SATB2: variants seen among roughly 807,000 people sequenced by gnomAD.
SATB2 encodes the protein DNA-binding protein SATB2.
Under a neutral mutation model 73.4 loss-of-function variants are expected in SATB2, and 1 was observed. The ratio of observed to expected loss-of-function variants is 0.01; its 90% CI spans 0.00 to 0.06. SATB2 has a LOEUF of 0.06. Ranked by LOEUF, SATB2 falls within the 10% of genes least tolerant of loss-of-function variation. The probability of loss-of-function intolerance (pLI) is 1.00; values close to 1 mark genes in which losing one functional copy is unlikely to be tolerated. For missense variants in SATB2, 459 were observed against 945.8 expected, an observed-to-expected ratio of 0.49 and a Z score of 6.75; for synonymous variants, 397 against 367.0, an observed-to-expected ratio of 1.08 and a Z score of -0.93.
chr2:199,299,714 G>C lies in SATB2; in HGVS notation c.1740+9046C>G, dbSNP rs185318436. On this transcript the variant is annotated intron_variant, in intron 10 of 10. Coordinates refer to ENST00000417098, the MANE Select transcript of SATB2 (RefSeq NM_001172509.2). ...GAAACTCCACAAATATTTGTTGAAT[G>C]AATAAGTAAAAACGCGAGAATAAAA... 4.0e-4 allele frequency among the ~76,000 whole-genome samples: 61 copies of C among 152,158 alleles called. 1 individual carries two copies. The highest frequency in any genetic ancestry group is 1.1e-3 in the African/African-American group (45 of 41,530).
chr2:199,444,385 A>G (rs887682734), intron 2 of SATB2, among the ~76,000 whole-genome samples: 22 of 152,258 alleles, frequency 1.4e-4, no homozygotes, highest in Non-Finnish European at 2.1e-4. Context: ...GTAAGAGTCT[A>G]CCTTCCTCAA....
chr2:199,440,303 C>CA (rs935073082), intron 2 of SATB2, among the ~76,000 whole-genome samples: 3 of 152,202 alleles, frequency 2.0e-5, no homozygotes, highest in Non-Finnish European at 4.4e-5. Flanking sequence ...TGGGCTAAGG[C>CA]AGCCACAGGC....
chr2:199,276,021 A>C (rs951671743), intron 10 of SATB2, among the ~76,000 whole-genome samples: 1 of 152,228 alleles, frequency 6.6e-6, no homozygotes, highest in African/African-American at 2.4e-5. Context: ...TACTCCAGGC[A>C]GAGAGTTACT....
chr2:199,305,708 C>T (rs922796228), intron 10 of SATB2, among the ~76,000 whole-genome samples: 7 of 152,076 alleles, frequency 4.6e-5, no homozygotes, highest in African/African-American at 1.7e-4. Flanking sequence ...ATGCAAAGCT[C>T]CCTCTTTTTA....
intron 5 of SATB2, among the ~76,000 whole-genome samples, chr2:199,371,648 T>C (rs1689449418): frequency 6.6e-6 from 1 of 152,150 alleles, no homozygotes; most frequent in African/African-American, 2.4e-5. Context: ...AAAATACATA[T>C]AATTTTGCAG....
upstream of SATB2, among the ~76,000 whole-genome samples, chr2:199,461,256 A>C (rs1692469712): frequency 6.6e-6 from 1 of 152,168 alleles, no homozygotes; most frequent in South Asian, 2.1e-4. Context: ...TTCAAATTAC[A>C]TACGCTTTTT....
chr2:199,286,687 A>G (rs1692698678), intron 10 of SATB2, among the ~76,000 whole-genome samples: 1 of 152,174 alleles, frequency 6.6e-6, no homozygotes. Flanking sequence ...TATTCTCAGA[A>G]CACAAAACCT....
intron 5 of SATB2, among the ~76,000 whole-genome samples, chr2:199,375,476 T>C (rs968617184): frequency 1.3e-5 from 2 of 152,210 alleles, no homozygotes; most frequent in Admixed American, 6.5e-5. Context: ...GTTTTAAATA[T>C]ATATATGCCT....
rs150702506 is a variant in SATB2 at position 199,271,410 on chromosome 2, TGTGTC to T, written c.*796_*800del. ...TTATTGAGTCATTTTAAGTGTGCAT[TGTGTC>T]TTTAAGATTTATTTGACTTGTATCA... On this transcript the variant is annotated 3_prime_UTR_variant, in exon 11 of 11. Transcript: ENST00000417098. 2,387 of 152,600 alleles carry T rather than the reference TGTGTC, an allele frequency of 0.016. 36 individuals are homozygous for T. Among genetic ancestry groups the T allele is most frequent in the Non-Finnish European group, 0.027 (1,861 of 67,988 alleles). The allele number at this position is 152,600 out of a possible 1,614,324, so 9.5% of individuals were successfully genotyped here.
chr2:199,401,953 G>C (rs928657703), intron 3 of SATB2, among the ~76,000 whole-genome samples: 1 of 152,190 alleles, frequency 6.6e-6, no homozygotes, highest in East Asian at 1.9e-4. Flanking sequence ...AGGCTGCCCT[G>C]AAGTGGATCA....
chr2:199,368,987 G>A (rs1045137871), intron 5 of SATB2: 6 of 303,300 alleles, frequency 2.0e-5, no homozygotes, highest in African/African-American at 1.1e-4. Flanking sequence ...AAGAACAGTT[G>A]TGATTTAGGA....
chr2:199,416,616 C>T (rs1690994558), intron 3 of SATB2, among the ~76,000 whole-genome samples: 1 of 152,152 alleles, frequency 6.6e-6, no homozygotes, highest in Non-Finnish European at 1.5e-5. Context: ...AAGTAGAAGA[C>T]TGGAGAGGTG....
At chr2:199,438,878 C>A (rs1380430412) in intron 2 of SATB2, among the ~76,000 whole-genome samples, 1 of 152,162 alleles carries the variant, frequency 6.6e-6, no homozygotes, top group Non-Finnish European at 1.5e-5. Flanking sequence ...AAGTAACATG[C>A]CCCAAAAAAC....
chr2:199,465,970 C>T (rs926755542), upstream of SATB2, among the ~76,000 whole-genome samples: 2 of 152,202 alleles, frequency 1.3e-5, no homozygotes, highest in Non-Finnish European at 1.5e-5. Flanking sequence ...CCCACCCAAA[C>T]CTGTGCACTC....
chr2:199,281,490 C>CACACAG (rs1692494843), intron 10 of SATB2, among the ~76,000 whole-genome samples: 1 of 151,818 alleles, frequency 6.6e-6, no homozygotes. Context: ...TATACACACA[C>CACACAG]ACACAATTTT....
At chr2:199,313,667 T>G (rs578112849) in intron 9 of SATB2, among the ~76,000 whole-genome samples, 8 of 152,328 alleles carry the variant, frequency 5.3e-5, no homozygotes, top group Middle Eastern at 6.8e-3. Context: ...ACAAAGCAAA[T>G]CACATTGTAA....
intron 10 of SATB2, among the ~76,000 whole-genome samples, chr2:199,280,333 T>C (rs1692449296): frequency 1.3e-5 from 2 of 152,102 alleles, no homozygotes; most frequent in Admixed American, 6.6e-5. Flanking sequence ...CTGTGATGAT[T>C]GTGTTAACTG....
chr2:199,397,743 G>A (rs1261676727), intron 3 of SATB2: 2 of 418,960 alleles, frequency 4.8e-6, no homozygotes, highest in African/African-American at 4.2e-5. Flanking sequence ...ACGGAAATAA[G>A]CCAGGCATGG....
At chr2:199,407,569 T>A (rs756793128) in intron 3 of SATB2, among the ~76,000 whole-genome samples, 3 of 152,058 alleles carry the variant, frequency 2.0e-5, no homozygotes, top group African/African-American at 4.8e-5. Context: ...TCAATGATGA[T>A]CTAGAAAAAC....
Sources: gnomAD v4.1 joint callset for allele counts (sites outside exome capture counted in the v4.1 genomes callset) on GRCh38, gnomAD v4.1.1 for gene constraint, MANE v1.5 for transcripts, NCBI Gene and HGNC (gene_info 2026-07-23, HGNC 2026-07-21) for gene names.